Variants in PDE1C observed in about 807,000 individuals in gnomAD.
PDE1C encodes dual specificity calcium/calmodulin-dependent 3',5'-cyclic nucleotide phosphodiesterase 1C.
In PDE1C, 62 loss-of-function variants were observed where a neutral mutation model predicts 93.1. The observed-to-expected ratio is 0.67, with a 90% confidence interval of 0.54 to 0.82. PDE1C has a LOEUF of 0.82. Among genes scored for constraint, PDE1C ranks in the 40% least tolerant of loss-of-function variants. The pLI, the probability that PDE1C is intolerant of heterozygous loss-of-function variation, is 0.00. For synonymous variants in PDE1C, 325 were observed against 310.1 expected (o/e 1.05, Z -0.50); for missense variants, 742 against 884.6 (o/e 0.84, Z 2.04).
chr7:32,111,955 A>G (rs1798665086), intron 3 of PDE1C, among the ~76,000 whole-genome samples: 1 of 152,154 alleles, frequency 6.6e-6, no homozygotes, highest in Non-Finnish European at 1.5e-5. Context: ...TCTTCACACA[A>G]AGTGAGAGTT....
the PDE1C span, among the ~76,000 whole-genome samples, chr7:31,628,452 TTTTTTTTTC>T: frequency 6.7e-6 from 1 of 148,866 alleles, no homozygotes; most frequent in Non-Finnish European, 1.5e-5. Flanking sequence ...TGATTCCTTT[TTTTTTTTTC>T]TTTTTTTTTC....
At chr7:32,097,369 G>C (rs546856831) in intron 3 of PDE1C, among the ~76,000 whole-genome samples, 1 of 152,188 alleles carries the variant, frequency 6.6e-6, no homozygotes, top group Non-Finnish European at 1.5e-5. Context: ...ATTTGGGGCT[G>C]TCAGAAGACC....
rs750382262 is a variant in PDE1C at position 31,878,000 on chromosome 7, G to A, written c.462C>T (p.Ser154=). 1 of 1,612,824 alleles carries A rather than the reference G, an allele frequency of 6.2e-7. No individual in the cohort carries two copies. Among genetic ancestry groups the A allele is most frequent in the Non-Finnish European group, 8.5e-7 (1 of 1,179,326 alleles). Residue 154 remains serine (S), a synonymous_variant, in exon 5 of 18, where the codon AGC becomes AGT. Coordinates refer to ENST00000396191, the MANE Select transcript of PDE1C (RefSeq NM_001191057.4). ...ATGCCTCAATAACAGCTGGTGGATA[G>A]CTCAGTCCAACCATGTTTGATGTCC... ...YRRTSNMVGL[S]YPPAVIEALK...
At chr7:31,987,260 A>G (rs763279137) in intron 2 of PDE1C, among the ~76,000 whole-genome samples, 4 of 152,222 alleles carry the variant, frequency 2.6e-5, no homozygotes, top group Non-Finnish European at 5.9e-5. Flanking sequence ...CTCGACAAAC[A>G]AACGATTCTT....
intron 2 of PDE1C, among the ~76,000 whole-genome samples, chr7:32,179,009 C>T (rs897560747): frequency 3.9e-5 from 6 of 152,286 alleles, no homozygotes; most frequent in African/African-American, 1.4e-4. Flanking sequence ...AACACTGGGA[C>T]ACTAAGACTC....
At chr7:31,916,353 A>G (rs1024708544) in intron 2 of PDE1C, among the ~76,000 whole-genome samples, 3 of 152,216 alleles carry the variant, frequency 2.0e-5, no homozygotes, top group Admixed American at 2.0e-4. Context: ...ATTACTGAGT[A>G]CTTTAAAAAG....
At chr7:31,986,143 G>A (rs181831081) in intron 2 of PDE1C, among the ~76,000 whole-genome samples, 61 of 151,758 alleles carry the variant, frequency 4.0e-4, no homozygotes, top group Admixed American at 1.0e-3. Flanking sequence ...GGAACTAGAC[G>A]TCCAAAATCA....
chr7:31,815,867 A>G, intron 15 of PDE1C, 57 bp downstream of exon 15: 1 of 1,303,074 alleles, frequency 7.7e-7, no homozygotes, highest in Non-Finnish European at 1.1e-6. Flanking sequence ...ACCAGTTTCC[A>G]TTCATTATGT....
At chr7:32,141,558 A>G (rs1406470501) in intron 3 of PDE1C, among the ~76,000 whole-genome samples, 8 of 152,224 alleles carry the variant, frequency 5.3e-5, no homozygotes, top group Non-Finnish European at 1.0e-4. Flanking sequence ...GAGAAAAAAT[A>G]TCAACAAACC....
At chr7:31,819,183 T>A (rs2128729354) in intron 14 of PDE1C, among the ~76,000 whole-genome samples, 1 of 152,264 alleles carries the variant, frequency 6.6e-6, no homozygotes, top group Non-Finnish European at 1.5e-5. Flanking sequence ...AATTTCCATC[T>A]CTTAGTCACA....
At chr7:32,134,547 C>T (rs1222977565) in intron 3 of PDE1C, among the ~76,000 whole-genome samples, 3 of 152,086 alleles carry the variant, frequency 2.0e-5, no homozygotes. Flanking sequence ...ATGGGATGAT[C>T]ACACTGGTCA....
intron 16 of PDE1C, among the ~76,000 whole-genome samples, chr7:31,781,698 A>T (rs1256553186): frequency 9.4e-6 from 1 of 106,484 alleles, no homozygotes; most frequent in Admixed American, 1.1e-4. Context: ...CCCACCCCCC[A>T]CCCCCCACAC....
At chr7:31,878,502 T>C (rs1796867427) in intron 4 of PDE1C, among the ~76,000 whole-genome samples, 2 of 152,204 alleles carry the variant, frequency 1.3e-5, no homozygotes, top group African/African-American at 4.8e-5. Context: ...AATTACACTA[T>C]AAGGATTATA....
At chr7:32,071,356 T>G (rs1035244136), upstream of PDE1C, 33 of 985,346 alleles carry the variant, frequency 3.3e-5, no homozygotes, top group Non-Finnish European at 3.7e-5. Flanking sequence ...CAGAACCGGA[T>G]CCATTTTGAA....
chr7:31,674,720 T>A, the PDE1C span, among the ~76,000 whole-genome samples: 2 of 152,142 alleles, frequency 1.3e-5, no homozygotes, highest in African/African-American at 4.8e-5. Flanking sequence ...GTTGTCTACA[T>A]GGAAAAATAA....
At chr7:31,652,408 C>A in the PDE1C span, 7 of 1,446,746 alleles carry the variant, frequency 4.8e-6, no homozygotes, top group Non-Finnish European at 6.4e-6. Flanking sequence ...CTCAAAGAGC[C>A]CATTCTAGAG....
At chr7:31,910,245 C>T (rs1189699349) in intron 2 of PDE1C, among the ~76,000 whole-genome samples, 1 of 152,086 alleles carries the variant, frequency 6.6e-6, no homozygotes, top group Non-Finnish European at 1.5e-5. Context: ...CTCTTACTGC[C>T]CTCTCCTCTT....
At chr7:31,677,582 T>G in the PDE1C span, among the ~76,000 whole-genome samples, 3 of 152,136 alleles carry the variant, frequency 2.0e-5, no homozygotes, top group African/African-American at 4.8e-5. Context: ...AAGTATTTGA[T>G]AAAATTCAAA....
At chr7:32,331,770 C>A (rs1028013574) in intron 1 of PDE1C, among the ~76,000 whole-genome samples, 1 of 152,102 alleles carries the variant, frequency 6.6e-6, no homozygotes, top group Non-Finnish European at 1.5e-5. Context: ...GAAATAACTC[C>A]CAAGTTTGGG....
Sources: gnomAD v4.1 joint callset for allele counts (sites outside exome capture counted in the v4.1 genomes callset) on GRCh38, gnomAD v4.1.1 for gene constraint, MANE v1.5 for transcripts, NCBI Gene and HGNC (gene_info 2026-07-23, HGNC 2026-07-21) for gene names.